Variants in SLC7A14 observed in about 807,000 individuals in gnomAD.
SLC7A14 encodes the protein gamma-aminobutyric acid transporter SLC7A14.
Under a neutral mutation model 60.2 loss-of-function variants are expected in SLC7A14, and 37 were observed. That is an observed-to-expected ratio of 0.61 (90% CI 0.47 to 0.81). SLC7A14 has a LOEUF of 0.81. Ranked by LOEUF, SLC7A14 falls within the 30% of genes least tolerant of loss-of-function variation. SLC7A14 has a pLI of 0.00. For synonymous variants in SLC7A14, 399 were observed against 395.8 expected (o/e 1.01, Z -0.10); for missense variants, 886 against 982.7 (o/e 0.90, Z 1.32).
intron 4 of SLC7A14, among the ~76,000 whole-genome samples, chr3:170,491,448 A>T (rs1231502137): frequency 2.0e-5 from 3 of 152,240 alleles, no homozygotes; most frequent in South Asian, 2.1e-4. Context: ...CACATTAGGC[A>T]GTCAAGATAA....
intron 4 of SLC7A14, among the ~76,000 whole-genome samples, chr3:170,495,317 A>C (rs1461924963): frequency 6.6e-6 from 1 of 152,230 alleles, no homozygotes; most frequent in East Asian, 1.9e-4. Context: ...TATACTGTTA[A>C]GAAAATGGTG....
At chr3:170,490,003 A>G (rs192609711) in intron 4 of SLC7A14, among the ~76,000 whole-genome samples, 10 of 152,316 alleles carry the variant, frequency 6.6e-5, no homozygotes, top group Admixed American at 6.5e-4. Context: ...CAAAAAAAGT[A>G]GAAAGAATGA....
intron 1 of SLC7A14, among the ~76,000 whole-genome samples, chr3:170,529,306 T>C (rs949047084): frequency 2.6e-4 from 40 of 152,360 alleles, no homozygotes; most frequent in African/African-American, 9.6e-4. Flanking sequence ...TATTCTGATT[T>C]GAAACTTTCT....
intron 7 of SLC7A14, 99 bp from the exon 8 acceptor site, chr3:170,467,476 GGGTGGGGGGC>G: frequency 1.1e-6 from 1 of 880,040 alleles, no homozygotes; most frequent in Non-Finnish European, 1.6e-6. Flanking sequence ...AAAGCTGGCG[GGGTGGGGGGC>G]GGTGGGGGCG....
chr3:170,461,657 G>A lies in SLC7A14; in HGVS notation c.*5398C>T, dbSNP rs145036223. 2 of 152,350 alleles carry A rather than the reference G, an allele frequency of 1.3e-5. No individual in the cohort carries two copies. The highest frequency in any genetic ancestry group is 3.9e-4 in the East Asian group (2 of 5,170). 9.4% of individuals were successfully genotyped at this position (152,350 alleles called of 1,614,324 possible). A position where few individuals can be genotyped will look rare whatever the true frequency, so the allele number is the denominator to read the frequency against. On this transcript the variant is annotated 3_prime_UTR_variant, in exon 8 of 8. Coordinates refer to ENST00000231706, the MANE Select transcript of SLC7A14 (RefSeq NM_020949.3). ...TGCGTGTGGTGGGGCCTGCGGTTTG[G>A]GATGCTGTTTCTGCACTTGCTCACT...
chr3:170,537,566 C>T (rs961418570), intron 1 of SLC7A14, among the ~76,000 whole-genome samples: 9 of 152,228 alleles, frequency 5.9e-5, no homozygotes, highest in African/African-American at 2.2e-4. Context: ...ACTGCCACCT[C>T]TCTCATCTCT....
intron 7 of SLC7A14, among the ~76,000 whole-genome samples, chr3:170,468,924 C>T (rs1263694897): frequency 6.6e-6 from 1 of 152,220 alleles, no homozygotes; most frequent in Non-Finnish European, 1.5e-5. Context: ...ACCCTAGCCC[C>T]ATCCTGGAGA....
intron 4 of SLC7A14, among the ~76,000 whole-genome samples, chr3:170,495,035 A>G (rs1228953499): frequency 6.6e-6 from 1 of 152,130 alleles, no homozygotes; most frequent in Non-Finnish European, 1.5e-5. Flanking sequence ...TAACAGCACC[A>G]CTCAAAAGTT....
In SLC7A14 at chr3:170,480,676, G is replaced by A; in HGVS notation, c.1606C>T (p.Leu536=). The A allele has an allele frequency of 6.2e-7, 1 of 1,614,262 alleles. No homozygotes were observed. Among genetic ancestry groups the A allele is most frequent in the Non-Finnish European group, 8.5e-7 (1 of 1,180,042 alleles). The change falls in exon 7 of 8, where the codon CTG becomes TTG. Residue 536 remains leucine, a synonymous_variant. Transcript: ENST00000231706. ...ATGGTGTAATAATGAGGCCCAATCA[G>A]CTTCTTTAACTTGATGAGATAAATA... is the stretch of plus-strand genomic sequence containing the variant. ...ENIYLIKLKK[L]IGPHYYTMRI... is the part of the protein sequence containing the mutation.
chr3:170,537,450 T>C (rs1412246181), intron 1 of SLC7A14, among the ~76,000 whole-genome samples: 3 of 152,206 alleles, frequency 2.0e-5, no homozygotes, highest in Non-Finnish European at 4.4e-5. Flanking sequence ...TAGTCACAAA[T>C]TCTGAAGATT....
At chr3:170,530,618 G>C (rs1713648152) in intron 1 of SLC7A14, among the ~76,000 whole-genome samples, 2 of 152,228 alleles carry the variant, frequency 1.3e-5, no homozygotes, top group Admixed American at 1.3e-4. Flanking sequence ...AGCAATATGA[G>C]ATGACTTACT....
intron 2 of SLC7A14, among the ~76,000 whole-genome samples, chr3:170,522,176 C>T (rs1002312289): frequency 1.8e-4 from 27 of 152,310 alleles, no homozygotes; most frequent in Middle Eastern, 3.4e-3. Context: ...CTGGAACTTT[C>T]ACATATTCCT....
rs1249137940 is a variant in SLC7A14 at position 170,480,653 on chromosome 3, G to C, written c.1629C>G (p.Thr543=). Residue 543 remains threonine (T), a synonymous_variant, in exon 7 of 8, where the codon ACC becomes ACG. Transcript: ENST00000231706. ...LKKLIGPHYY[T]MRIRLGLPGK... is the part of the protein sequence containing the mutation. ...CTGGAAGGCCCAGCCGGATTCTCAT[G>C]GTGTAATAATGAGGCCCAATCAGCT... 2 of 1,614,246 alleles carry C rather than the reference G, an allele frequency of 1.2e-6. No individual in the cohort carries two copies.
At chr3:170,561,962 A>C (rs1714666568) in intron 1 of SLC7A14, among the ~76,000 whole-genome samples, 1 of 152,228 alleles carries the variant, frequency 6.6e-6, no homozygotes, top group African/African-American at 2.4e-5. Context: ...CTCCTGCAAG[A>C]ATGGCCATAA....
At chr3:170,487,751 T>C (rs1299434982) in intron 4 of SLC7A14, among the ~76,000 whole-genome samples, 2 of 152,224 alleles carry the variant, frequency 1.3e-5, no homozygotes, top group East Asian at 3.8e-4. Flanking sequence ...CCCTCTACTC[T>C]GGGGTTCTTA....
intron 2 of SLC7A14, 71 bp downstream of exon 2, chr3:170,526,562 G>A (rs1237788633): frequency 6.5e-7 from 1 of 1,542,088 alleles, no homozygotes; most frequent in African/African-American, 1.4e-5. Context: ...ATACTCCGGA[G>A]AAAGGGGATG....
At chr3:170,495,200 A>G (rs781184830) in intron 4 of SLC7A14, among the ~76,000 whole-genome samples, 2 of 152,196 alleles carry the variant, frequency 1.3e-5, no homozygotes, top group Non-Finnish European at 2.9e-5. Flanking sequence ...TTTTTTGCAA[A>G]CATGTAGTGC....
chr3:170,485,818 G>T (rs1039383934), intron 5 of SLC7A14, among the ~76,000 whole-genome samples: 1 of 152,214 alleles, frequency 6.6e-6, no homozygotes, highest in Non-Finnish European at 1.5e-5. Flanking sequence ...CCTCTTTGCT[G>T]CCGGGAAGCT....
chr3:170,561,681 C>G (rs547561687), intron 1 of SLC7A14, among the ~76,000 whole-genome samples: 1 of 152,250 alleles, frequency 6.6e-6, no homozygotes, highest in South Asian at 2.1e-4. Flanking sequence ...TAGATCAGGA[C>G]ATGGCCGCCG....
Sources: allele counts gnomAD v4.1 joint callset (sites outside exome capture counted in the v4.1 genomes callset), GRCh38; gene constraint gnomAD v4.1.1; transcripts MANE v1.5; gene names NCBI Gene and HGNC (gene_info 2026-07-23, HGNC 2026-07-21).